The following BACH1 variants were observed in gnomAD, a reference collection of about 807,000 sequenced individuals.
The protein encoded by BACH1 is BTB domain and CNC homolog 1.
Under a neutral mutation model 52.9 loss-of-function variants are expected in BACH1, and 35 were observed. The ratio of observed to expected loss-of-function variants is 0.66; its 90% CI spans 0.51 to 0.88. BACH1 has a LOEUF of 0.88. Ranked by LOEUF, BACH1 falls within the 40% of genes least tolerant of loss-of-function variation. BACH1 has a pLI of 0.00. For synonymous variants in BACH1, 321 were observed against 319.6 expected (o/e 1.00, Z -0.05); for missense variants, 808 against 872.6 (o/e 0.93, Z 0.93).
chr21:29,320,233 A>G (rs1314179344), intron 1 of BACH1, among the ~76,000 whole-genome samples: 1 of 152,224 alleles, frequency 6.6e-6, no homozygotes, highest in Non-Finnish European at 1.5e-5. Flanking sequence ...GTGAGGCATC[A>G]CACGGATAAA....
chr21:29,330,313 T>C (rs1381019909), intron 4 of BACH1, among the ~76,000 whole-genome samples: 1 of 152,030 alleles, frequency 6.6e-6, no homozygotes, highest in Non-Finnish European at 1.5e-5. Flanking sequence ...TACAGGCGCC[T>C]GCCACTGCGC....
At chr21:29,303,594 A>T (rs75461896) in intron 1 of BACH1, among the ~76,000 whole-genome samples, 3,244 of 152,274 alleles carry the variant, frequency 0.021, 100 homozygotes, top group African/African-American at 0.074. Flanking sequence ...CATTGGTGTG[A>T]TTATTGAGAA....
intron 4 of BACH1, among the ~76,000 whole-genome samples, chr21:29,330,014 T>C (rs890262331): frequency 3.9e-5 from 6 of 152,194 alleles, no homozygotes; most frequent in African/African-American, 1.4e-4. Flanking sequence ...AAATGAACTG[T>C]GGACCTGAAT....
chr21:29,361,113 T>C (rs1219464909), intron 2 of BACH1: 1 of 152,228 alleles, frequency 6.6e-6, no homozygotes, highest in Non-Finnish European at 1.5e-5. Flanking sequence ...TAGTAGGGTC[T>C]CCAAAAATGT....
Position 29,333,146 on chromosome 21 carries a change from T to C in BACH1, c.1776+3453T>C, listed in dbSNP as rs60886286. ...AGATAAACATAAACAGAAAATATGC[T>C]GCTTATTAGCTAATACGAATAAGAA... On this transcript the variant is annotated intron_variant, in intron 4 of 4. Coordinates refer to ENST00000286800, the MANE Select transcript of BACH1 (RefSeq NM_001186.4). 6.8e-3 allele frequency among the ~76,000 whole-genome samples: 1,035 copies of C among 152,334 alleles called. 16 individuals are homozygous for C. Among genetic ancestry groups the C allele is most frequent in the African/African-American group, 0.024 (993 of 41,572 alleles).
Position 29,307,243 on chromosome 21 carries a change from C to T in BACH1, c.-61+8290C>T, listed in dbSNP as rs2123408718. On this transcript the variant is annotated intron_variant, in intron 1 of 4. Transcript: ENST00000286800. The stretch of plus-strand genomic sequence containing the variant: ...TTCCCCTCCTCGAAGGGAAAGCTGT[C>T]CCGTAGTTAGCTTATTCGTCATTCT... Among the ~76,000 whole-genome samples the T allele has an allele frequency of 1.3e-5, 2 of 152,334 alleles. 1 individual carries two copies. Among genetic ancestry groups the T allele is most frequent in the South Asian group, 4.1e-4 (2 of 4,828 alleles).
In BACH1 at chr21:29,326,388, G is replaced by C. The variant is rs1210006217; in HGVS notation, c.564G>C (p.Arg188Ser). The C allele has an allele frequency of 6.2e-7, 1 of 1,614,172 alleles. No homozygotes were observed. The highest frequency in any genetic ancestry group is 1.1e-5 in the South Asian group (1 of 91,084). ...NVQTPQCKLR[R>S]YQGNAKASPP... ...AGACTCCTCAGTGTAAACTCCGCAG[G>C]TATCAAGGAAATGCAAAAGCCTCAC... The change falls in exon 3 of 5, where the codon AGG (arginine) becomes AGC (serine). Residue 188 changes from arginine (R) to serine (S), a missense_variant. Arg to Ser is a moderately radical substitution (Grantham distance 110). Coordinates refer to ENST00000286800, the MANE Select transcript of BACH1 (RefSeq NM_001186.4).
chr21:29,353,544 G>C (rs1434042584), intron 2 of BACH1, among the ~76,000 whole-genome samples: 1 of 152,108 alleles, frequency 6.6e-6, no homozygotes, highest in African/African-American at 2.4e-5. Context: ...ATTTGAGAAG[G>C]AACTGGCCAA....
chr21:29,314,647 T>C (rs1249810675), intron 1 of BACH1, among the ~76,000 whole-genome samples: 1 of 152,188 alleles, frequency 6.6e-6, no homozygotes, highest in East Asian at 1.9e-4. Flanking sequence ...ACAGTTCTAA[T>C]GTAAATTACC....
intron 1 of BACH1, among the ~76,000 whole-genome samples, chr21:29,319,507 A>G (rs947211797): frequency 2.6e-5 from 4 of 151,796 alleles, no homozygotes; most frequent in African/African-American, 9.7e-5. Context: ...GAAAGCTATT[A>G]TAGAGAACAG....
At chr21:29,320,660 G>A (rs926299824) in intron 1 of BACH1, among the ~76,000 whole-genome samples, 9 of 152,174 alleles carry the variant, frequency 5.9e-5, no homozygotes, top group African/African-American at 1.9e-4. Context: ...TTTCTTCTTG[G>A]TGCTGGAGGA....
intron 2 of BACH1, chr21:29,359,296 A>G (rs1273025182): frequency 1.3e-5 from 2 of 151,534 alleles, no homozygotes; most frequent in Non-Finnish European, 2.9e-5. Flanking sequence ...TTGTCTCTTT[A>G]TGAGTTTTTA....
intron 1 of BACH1, among the ~76,000 whole-genome samples, chr21:29,304,405 G>A (rs1038912073): frequency 1.3e-5 from 2 of 152,092 alleles, no homozygotes; most frequent in South Asian, 2.1e-4. Flanking sequence ...GATTACAGGC[G>A]TGAGCCACTG....
intron 1 of BACH1, among the ~76,000 whole-genome samples, chr21:29,320,633 T>A (rs1569012197): frequency 6.6e-6 from 1 of 152,236 alleles, no homozygotes; most frequent in Non-Finnish European, 1.5e-5. Flanking sequence ...AGATCTGGCT[T>A]GACACATTTC....
intron 2 of BACH1, among the ~76,000 whole-genome samples, chr21:29,324,417 A>G (rs1392838935): frequency 6.6e-6 from 1 of 152,072 alleles, no homozygotes; most frequent in Non-Finnish European, 1.5e-5. Context: ...CATTCTAAAA[A>G]TGTTATATAA....
rs1255170365 is a variant in BACH1 at position 29,338,504 on chromosome 21, A to G, written c.1777-3895A>G. On this transcript the variant is annotated intron_variant, in intron 4 of 4. Transcript: ENST00000286800. ...ATCCTCTCATATCAGCCTTCTGAGT[A>G]GCCAGGACTACAGGTGCGCACCACC... is the stretch of plus-strand genomic sequence containing the variant. Among the ~76,000 whole-genome samples the G allele has an allele frequency of 2.0e-5, 3 of 152,114 alleles. No homozygotes were observed. The South Asian group carries it at 6.2e-4, about 32-fold the overall frequency.
Position 29,329,514 on chromosome 21 carries a change from A to G in BACH1, c.1597A>G (p.Ile533Val), listed in dbSNP as rs1601358242. Residue 533 changes from isoleucine to valine, a missense_variant, in exon 4 of 5, where the codon ATA becomes GTA. Physicochemically the swap from Ile to Val is conservative, Grantham distance 29 (BLOSUM62 3). Coordinates refer to ENST00000286800, the MANE Select transcript of BACH1 (RefSeq NM_001186.4). ...EVKLPFNAQR[I>V]ISLSRNDFQS... is the part of the protein sequence containing the mutation. Reference sequence around the variant, plus strand: ...AAAACTGCCATTCAATGCACAACGGATAATTTCACTGTCTCGAAATGATTT... The same window carrying G: ...AAAACTGCCATTCAATGCACAACGGGTAATTTCACTGTCTCGAAATGATTT... The G allele has an allele frequency of 6.3e-7, 1 of 1,591,894 alleles. No individual in the cohort carries two copies. Among genetic ancestry groups the G allele is most frequent in the East Asian group, 2.3e-5 (1 of 44,348 alleles).
At chr21:29,307,407 TTG>T (rs139633407) in intron 1 of BACH1, among the ~76,000 whole-genome samples, 17 of 149,834 alleles carry the variant, frequency 1.1e-4, no homozygotes, top group Admixed American at 4.7e-4. Context: ...TCACTTACCT[TTG>T]TGTGTGTGTG....
chr21:29,326,545 A>T lies in BACH1; in HGVS notation c.721A>T (p.Thr241Ser). 1 of 1,614,204 alleles carries T rather than the reference A, an allele frequency of 6.2e-7. No individual in the cohort carries two copies. ...QKAFGTDRVR[T>S]GESSVKDIHA... is the part of the protein sequence containing the mutation. ...AGCATTTGGAACTGACAGAGTCCGT[A>T]CTGGGGAATCTAGTGTCAAAGACAT... Residue 241 changes from threonine to serine, a missense_variant, in exon 3 of 5, where the codon ACT (threonine) becomes TCT (serine). Coordinates refer to ENST00000286800, the MANE Select transcript of BACH1 (RefSeq NM_001186.4).
Sources: allele counts gnomAD v4.1 joint callset (sites outside exome capture counted in the v4.1 genomes callset), GRCh38; gene constraint gnomAD v4.1.1; transcripts MANE v1.5; gene names NCBI Gene and HGNC (gene_info 2026-07-23, HGNC 2026-07-21).